Variants in SPECC1 observed in about 807,000 individuals in gnomAD.
The protein encoded by SPECC1 is cytospin-B.
A neutral mutation model predicts 104.1 loss-of-function variants in SPECC1; 62 were observed. The observed-to-expected ratio is 0.60, with a 90% CI of 0.49 to 0.74. SPECC1 has a LOEUF of 0.74. Among genes scored for constraint, SPECC1 ranks in the 30% least tolerant of loss-of-function variants. The pLI is 0.00. For missense variants in SPECC1, 1,306 were observed against 1,310.5 expected (o/e 1.00, Z 0.05); for synonymous variants, 513 against 501.6 (o/e 1.02, Z -0.30).
At chr17:20,268,632 A>T (rs556751819) in intron 12 of SPECC1, among the ~76,000 whole-genome samples, 4 of 152,210 alleles carry the variant, frequency 2.6e-5, no homozygotes, top group Admixed American at 2.6e-4. Context: ...CTTCCACTCT[A>T]TTGAGGCCTT....
chr17:20,148,540 C>T (rs1379512989), intron 3 of SPECC1, among the ~76,000 whole-genome samples: 1 of 79,130 alleles, frequency 1.3e-5, no homozygotes, highest in East Asian at 2.3e-4. Context: ...TACATGTGCA[C>T]TAGAAAAAAA....
chr17:20,172,242 G>A (rs759741938), intron 3 of SPECC1, among the ~76,000 whole-genome samples: 2 of 152,288 alleles, frequency 1.3e-5, no homozygotes, highest in Non-Finnish European at 2.9e-5. Flanking sequence ...GGGCTTCTCT[G>A]TGCCTGGATG....
chr17:20,038,557 G>A (rs998484797), intron 1 of SPECC1, among the ~76,000 whole-genome samples: 7 of 151,994 alleles, frequency 4.6e-5, no homozygotes, highest in South Asian at 2.1e-4. Flanking sequence ...CCGCCACTGC[G>A]CTTGGCTACT....
intron 1 of SPECC1, among the ~76,000 whole-genome samples, chr17:20,093,119 A>G (rs2152501756): frequency 6.6e-6 from 1 of 152,340 alleles, no homozygotes; most frequent in South Asian, 2.1e-4. Flanking sequence ...GAGAAATACC[A>G]TAAACTGGGT....
At chr17:20,297,138 A>C (rs2041380702) in intron 13 of SPECC1, 61 bp downstream of exon 13, 2 of 1,449,962 alleles carry the variant, frequency 1.4e-6, no homozygotes, top group Non-Finnish European at 1.9e-6. Flanking sequence ...CTAATTGATA[A>C]ACCCCACTGT....
At chr17:20,198,665 G>GA (rs1362916911) in intron 3 of SPECC1, among the ~76,000 whole-genome samples, 1 of 152,198 alleles carries the variant, frequency 6.6e-6, no homozygotes, top group East Asian at 1.9e-4. Context: ...CTAAATCTTA[G>GA]AAGGGACTCT....
chr17:20,316,910 A>C lies in SPECC1; in HGVS notation c.*2845A>C. ...GCTGGGGCCATACCAGCCCCTCTCCACTGGGAGCCCAAGTTGCCAATGACT... is the reference window on the plus strand; with the variant it reads ...GCTGGGGCCATACCAGCCCCTCTCCCCTGGGAGCCCAAGTTGCCAATGACT... On this transcript the variant is annotated 3_prime_UTR_variant, in exon 15 of 15. Coordinates refer to ENST00000395527, the MANE Select transcript of SPECC1 (RefSeq NM_001243439.2). 4 of 215,086 alleles carry C rather than the reference A, an allele frequency of 1.9e-5. No individual in the cohort carries two copies. The highest frequency in any genetic ancestry group is 2.8e-5 in the Non-Finnish European group (3 of 106,618). The allele number at this position is 215,086 out of a possible 1,614,324, so 13.3% of individuals were successfully genotyped here.
rs538841027 is a variant in SPECC1 at position 20,300,220 on chromosome 17, A to T, written c.3057+3143A>T. 2.0e-5 allele frequency among the ~76,000 whole-genome samples: 3 copies of T among 152,214 alleles called. No individual in the cohort carries two copies. In the East Asian group the frequency reaches 5.8e-4, roughly 29 times the overall value. On this transcript the variant is annotated intron_variant, in intron 13 of 14. Coordinates refer to ENST00000395527, the MANE Select transcript of SPECC1 (RefSeq NM_001243439.2). ...CTGGGAACCCCAGTGTTTGTTGTGG[A>T]GGTAGAGGAGGAGGACACAGCAAAG...
intron 14 of SPECC1, among the ~76,000 whole-genome samples, chr17:20,307,293 T>A (rs1386534677): frequency 6.6e-6 from 1 of 152,228 alleles, no homozygotes; most frequent in Non-Finnish European, 1.5e-5. Flanking sequence ...TAGAACTGGT[T>A]CACCACTCAG....
intron 8 of SPECC1, 126 bp downstream of exon 8, chr17:20,246,197 C>A: frequency 8.8e-7 from 1 of 1,133,344 alleles, no homozygotes; most frequent in Non-Finnish European, 1.2e-6. Context: ...CTTTCCAGGT[C>A]CTACCACGTG....
chr17:20,152,661 TTTTA>T (rs781314781), intron 3 of SPECC1, among the ~76,000 whole-genome samples: 12 of 152,072 alleles, frequency 7.9e-5, no homozygotes, highest in African/African-American at 1.4e-4. Context: ...CTTTTTTTAT[TTTTA>T]TTTGTTTTAT....
chr17:20,146,908 A>AAAAACAAAAC (rs139003926), intron 3 of SPECC1, among the ~76,000 whole-genome samples: 4 of 151,980 alleles, frequency 2.6e-5, no homozygotes, highest in African/African-American at 9.7e-5. Flanking sequence ...CTCTGTCTCA[A>AAAAACAAAAC]AAAACAAAAC....
chr17:20,277,454 T>G (rs898128674), intron 12 of SPECC1, among the ~76,000 whole-genome samples: 1 of 152,230 alleles, frequency 6.6e-6, no homozygotes, highest in African/African-American at 2.4e-5. Flanking sequence ...GATCTGTTTT[T>G]GCCAAATGAA....
At chr17:20,162,250 A>G (rs1010139246) in intron 3 of SPECC1, among the ~76,000 whole-genome samples, 1 of 151,964 alleles carries the variant, frequency 6.6e-6, no homozygotes, top group Non-Finnish European at 1.5e-5. Context: ...GGTTCACGCC[A>G]TTCTCCTGCC....
chr17:20,047,170 T>C lies in SPECC1; in HGVS notation c.-22+37746T>C, dbSNP rs569183922. Among the ~76,000 whole-genome samples the C allele has an allele frequency of 5.9e-5, 9 of 152,348 alleles. No individual in the cohort carries two copies. The South Asian group carries it at 1.9e-3, about 32-fold the overall frequency. On this transcript the variant is annotated intron_variant, in intron 1 of 14. Coordinates refer to ENST00000395527, the MANE Select transcript of SPECC1 (RefSeq NM_001243439.2). ...ATGAGAATGCTTGTGTTCTTTCATG[T>C]TGTAAATGCTTGTGTTCTTTCATGT...
At chr17:20,158,184 T>C (rs991978734) in intron 3 of SPECC1, among the ~76,000 whole-genome samples, 7 of 151,684 alleles carry the variant, frequency 4.6e-5, no homozygotes, top group Admixed American at 1.3e-4. Flanking sequence ...GACTAGAATC[T>C]CAACAAGTGC....
chr17:20,181,800 A>G (rs550255310), intron 3 of SPECC1, among the ~76,000 whole-genome samples: 20 of 152,164 alleles, frequency 1.3e-4, no homozygotes, highest in Non-Finnish European at 2.1e-4. Context: ...TCTAGGAGTA[A>G]TTTAAACTAG....
intron 5 of SPECC1, among the ~76,000 whole-genome samples, chr17:20,228,655 A>C (rs1231437995): frequency 6.6e-6 from 1 of 152,192 alleles, no homozygotes; most frequent in East Asian, 1.9e-4. Flanking sequence ...CAATTCCCGC[A>C]TGTGTCCCAT....
intron 1 of SPECC1, among the ~76,000 whole-genome samples, chr17:20,041,010 C>CT: frequency 6.6e-6 from 1 of 151,726 alleles, no homozygotes. Context: ...TCCCTCCCTC[C>CT]TTCCCTTCCT....
Sources: allele counts gnomAD v4.1 joint callset (sites outside exome capture counted in the v4.1 genomes callset), GRCh38; gene constraint gnomAD v4.1.1; transcripts MANE v1.5; gene names NCBI Gene and HGNC (gene_info 2026-07-23, HGNC 2026-07-21).